Variants in DGKB observed in about 807,000 individuals in gnomAD.
DGKB encodes the protein diacylglycerol kinase beta, also known as 90 kDa diacylglycerol kinase.
Under a neutral mutation model 114.3 loss-of-function variants are expected in DGKB, and 67 were observed. The observed-to-expected ratio is 0.59, with a 90% confidence interval of 0.48 to 0.72. The LOEUF (loss-of-function observed/expected upper bound fraction) is 0.72. Ranked by LOEUF, DGKB falls within the 30% of genes least tolerant of loss-of-function variation. DGKB has a pLI of 0.00. For missense variants in DGKB, 907 were observed against 975.2 expected, an observed-to-expected ratio of 0.93 and a Z score of 0.93; for synonymous variants, 398 against 323.1, an observed-to-expected ratio of 1.23 and a Z score of -2.49.
chr7:14,686,461 C>T (rs1030885006), intron 9 of DGKB, among the ~76,000 whole-genome samples: 55 of 152,194 alleles, frequency 3.6e-4, no homozygotes, highest in African/African-American at 1.2e-3. Context: ...ACATTATTTG[C>T]CATAACTTTC....
chr7:14,704,930 A>G (rs561635430), intron 6 of DGKB, among the ~76,000 whole-genome samples: 4,062 of 152,220 alleles, frequency 0.027, 74 homozygotes, highest in South Asian at 0.048. Flanking sequence ...CTCCAAAGGA[A>G]CGCAGCTCCT....
intron 25 of DGKB, among the ~76,000 whole-genome samples, chr7:14,169,845 A>G (rs1780583933): frequency 6.6e-6 from 1 of 152,086 alleles, no homozygotes; most frequent in Non-Finnish European, 1.5e-5. Context: ...TTAGAAATAC[A>G]TTAAGGCAGC....
rs151220277 is a variant in DGKB, at chr7:14,264,333, C to T, written c.2122+74182G>A. On this transcript the variant is annotated intron_variant, in intron 23 of 25. Transcript: ENST00000402815. Reference sequence around the variant, plus strand: ...CAAACCACACGCTTTCAGGTTGGCCCTGATTTCTATATTAAATAGGCCCTA... The same window carrying T: ...CAAACCACACGCTTTCAGGTTGGCCTTGATTTCTATATTAAATAGGCCCTA... Among the ~76,000 whole-genome samples the T allele has an allele frequency of 4.1e-3, 629 of 152,236 alleles. 4 individuals carry two copies. The highest frequency in any genetic ancestry group is 0.015 in the African/African-American group (614 of 41,564).
At chr7:14,866,379 A>C (rs560673748) in intron 1 of DGKB, among the ~76,000 whole-genome samples, 29 of 152,284 alleles carry the variant, frequency 1.9e-4, no homozygotes, top group African/African-American at 7.0e-4. Flanking sequence ...TTGCCTTAAA[A>C]ATGCTTATTG....
In DGKB at chr7:14,294,849, C is replaced by T. The variant is rs1193163059; in HGVS notation, c.2122+43666G>A. 2.0e-5 allele frequency among the ~76,000 whole-genome samples: 3 copies of T among 152,068 alleles called. 1 individual carries two copies. The highest frequency in any genetic ancestry group is 7.2e-5 in the African/African-American group (3 of 41,432). On this transcript the variant is annotated intron_variant, in intron 23 of 25. Transcript: ENST00000402815. ...TTTAATGAGATAATCAGATAAGTGA[C>T]CATTTAAAATACAGACTACATAGGA... is the stretch of plus-strand genomic sequence containing the variant.
In DGKB at chr7:14,304,087, A is replaced by ACTCTCTCT. The variant is rs71846844; in HGVS notation, c.2122+34420_2122+34427dup. Reference sequence around the variant, plus strand: ...CACACACACACACACACACACACACACTCTCTCTCTCTCACCCCTACCTCA... The same window carrying ACTCTCTCT: ...CACACACACACACACACACACACACACTCTCTCTCTCTCTCTCTCTCACCCCTACCTCA... On this transcript the variant is annotated intron_variant, in intron 23 of 25. Coordinates refer to ENST00000402815, the MANE Select transcript of DGKB (RefSeq NM_001350709.2). Among the ~76,000 whole-genome samples the ACTCTCTCT allele has an allele frequency of 9.9e-3, 1,095 of 110,074 alleles. 16 individuals carry two copies. The highest frequency in any genetic ancestry group is 0.015 in the Non-Finnish European group (815 of 56,092). 72.2% of individuals were successfully genotyped at this position (110,074 alleles called of 152,430 possible).
At chr7:14,222,238 T>C (rs1790099086) in intron 23 of DGKB, among the ~76,000 whole-genome samples, 1 of 150,900 alleles carries the variant, frequency 6.6e-6, no homozygotes, top group Admixed American at 6.6e-5. Context: ...TGTCTGAAGA[T>C]TGAAGTATAG....
chr7:14,952,350 G>A (rs1353688141), intron 1 of DGKB, among the ~76,000 whole-genome samples: 1 of 151,972 alleles, frequency 6.6e-6, no homozygotes, highest in Non-Finnish European at 1.5e-5. Context: ...ATAGCAAACT[G>A]ATATAACATC....
intron 2 of DGKB, among the ~76,000 whole-genome samples, chr7:14,791,533 A>G (rs1840664214): frequency 9.0e-6 from 1 of 111,414 alleles, no homozygotes; most frequent in African/African-American, 7.1e-5. Context: ...CATTATGTAG[A>G]TGTTAAGCTG....
intron 2 of DGKB, among the ~76,000 whole-genome samples, chr7:14,838,034 C>T (rs745532732): frequency 2.6e-5 from 4 of 152,106 alleles, no homozygotes; most frequent in Non-Finnish European, 5.9e-5. Flanking sequence ...CTCAGTGTGA[C>T]ATTTCATACT....
intron 23 of DGKB, among the ~76,000 whole-genome samples, chr7:14,309,640 G>C (rs1805040898): frequency 6.6e-6 from 1 of 152,212 alleles, no homozygotes; most frequent in African/African-American, 2.4e-5. Flanking sequence ...CTTTTCACAA[G>C]ATAGTATCTT....
intron 13 of DGKB, among the ~76,000 whole-genome samples, chr7:14,644,554 G>A (rs1812526259): frequency 6.6e-6 from 1 of 151,986 alleles, no homozygotes; most frequent in Non-Finnish European, 1.5e-5. Flanking sequence ...AGAATTCAAT[G>A]AAAATATAAA....
chr7:14,825,990 A>T (rs540473871), intron 2 of DGKB, among the ~76,000 whole-genome samples: 1 of 152,274 alleles, frequency 6.6e-6, no homozygotes, highest in Admixed American at 6.5e-5. Flanking sequence ...GTTCCCTTTG[A>T]CCACTTATGG....
At chr7:14,535,378 GAA>G (rs111762380) in intron 20 of DGKB, among the ~76,000 whole-genome samples, 2,914 of 123,632 alleles carry the variant, frequency 0.024, 51 homozygotes, top group East Asian at 0.086. Flanking sequence ...CTTAAAAAAA[GAA>G]AAAAAAAAAA....
At chr7:14,702,156 G>C (rs1825309525) in intron 6 of DGKB, among the ~76,000 whole-genome samples, 1 of 151,998 alleles carries the variant, frequency 6.6e-6, no homozygotes, top group African/African-American at 2.4e-5. Flanking sequence ...ATAAGAGCTT[G>C]GTCAAAAACT....
At chr7:14,213,117 AT>A (rs1788404217) in intron 23 of DGKB, among the ~76,000 whole-genome samples, 1 of 152,108 alleles carries the variant, frequency 6.6e-6, no homozygotes, top group Non-Finnish European at 1.5e-5. Context: ...TTATAAAAAA[AT>A]GGTAACACAT....
At chr7:14,529,725 T>A (rs1791246768) in intron 20 of DGKB, among the ~76,000 whole-genome samples, 1 of 151,834 alleles carries the variant, frequency 6.6e-6, no homozygotes, top group South Asian at 2.1e-4. Context: ...ATATCATAAT[T>A]TTTTAGTGAT....
In DGKB at chr7:14,549,988, A is replaced by C. The variant is rs555079105; in HGVS notation, c.1770+24224T>G. Reference sequence around the variant, plus strand: ...TGCTGACAGAGCTAGACTGTCTAAAAAAAAAAAACAAAAAACTTTAGCCAT... The same window carrying C: ...TGCTGACAGAGCTAGACTGTCTAAACAAAAAAAACAAAAAACTTTAGCCAT... On this transcript the variant is annotated intron_variant, in intron 20 of 25. Transcript: ENST00000402815. Among the ~76,000 whole-genome samples, 381 of 152,158 alleles carry C rather than the reference A, an allele frequency of 2.5e-3. 6 individuals are homozygous for C. The highest frequency in any genetic ancestry group is 8.8e-3 in the African/African-American group (366 of 41,532).
At chr7:14,460,596 T>G (rs1340480190) in intron 21 of DGKB, among the ~76,000 whole-genome samples, 2 of 151,326 alleles carry the variant, frequency 1.3e-5, no homozygotes, top group African/African-American at 2.4e-5. Flanking sequence ...GGGACGCAGA[T>G]TCATAAAGCA....
Sources: allele counts gnomAD v4.1 joint callset (sites outside exome capture counted in the v4.1 genomes callset), GRCh38; gene constraint gnomAD v4.1.1; transcripts MANE v1.5; gene names NCBI Gene and HGNC (gene_info 2026-07-23, HGNC 2026-07-21).